The following KIAA0825 variants were observed in gnomAD, a reference collection of about 807,000 sequenced individuals.
The protein encoded by KIAA0825 is uncharacterized protein KIAA0825.
Under a neutral mutation model 147.6 loss-of-function variants are expected in KIAA0825, and 119 were observed. That is an observed-to-expected ratio of 0.81 (90% CI 0.69 to 0.94). The LOEUF (loss-of-function observed/expected upper bound fraction) is 0.94, where lower values mean the gene tolerates loss of function less well. Among genes scored for constraint, KIAA0825 ranks in the 40% least tolerant of loss-of-function variants. KIAA0825 has a pLI of 0.00. For missense variants in KIAA0825, 1,381 were observed against 1,472.7 expected, an observed-to-expected ratio of 0.94 and a Z score of 1.02; for synonymous variants, 470 against 518.1, an observed-to-expected ratio of 0.91 and a Z score of 1.26.
At chr5:94,544,051 A>G (rs1292112285) in intron 2 of KIAA0825, among the ~76,000 whole-genome samples, 1 of 152,138 alleles carries the variant, frequency 6.6e-6, no homozygotes, top group East Asian at 1.9e-4. Flanking sequence ...ACTTGCTTTC[A>G]CTTTACTCTA....
At chr5:94,249,161 A>G (rs897275798) in intron 20 of KIAA0825, among the ~76,000 whole-genome samples, 2 of 152,134 alleles carry the variant, frequency 1.3e-5, no homozygotes, top group Admixed American at 1.3e-4. Context: ...AATACACAGA[A>G]GACACCAACA....
intron 20 of KIAA0825, among the ~76,000 whole-genome samples, chr5:94,226,771 A>T (rs1191289156): frequency 2.6e-5 from 4 of 152,092 alleles, no homozygotes; most frequent in Admixed American, 2.6e-4. Flanking sequence ...GAAGACATTT[A>T]TGCAGCCAAA....
At chr5:94,321,719 TCTGAAAATGTTGGTCATGG>T (rs1780218018) in intron 20 of KIAA0825, among the ~76,000 whole-genome samples, 1 of 151,968 alleles carries the variant, frequency 6.6e-6, no homozygotes, top group Non-Finnish European at 1.5e-5. Flanking sequence ...ACCCTTTTGT[TCTGAAAATGTTGGTCATGG>T]TAAACAGTTT....
intron 20 of KIAA0825, among the ~76,000 whole-genome samples, chr5:94,255,481 A>G (rs1465489927): frequency 2.0e-5 from 3 of 151,972 alleles, no homozygotes; most frequent in African/African-American, 7.2e-5. Flanking sequence ...CACTCTGTGC[A>G]ACCCTGCACC....
intron 13 of KIAA0825, among the ~76,000 whole-genome samples, chr5:94,448,424 G>C (rs1047223124): frequency 1.3e-5 from 2 of 151,610 alleles, no homozygotes; most frequent in African/African-American, 2.4e-5. Flanking sequence ...AATTCTATTT[G>C]TGTCCTGAAT....
chr5:94,302,616 CT>C (rs1778481615), intron 20 of KIAA0825, among the ~76,000 whole-genome samples: 1 of 151,976 alleles, frequency 6.6e-6, no homozygotes, highest in African/African-American at 2.4e-5. Context: ...ATTTTTTTCT[CT>C]TTGCCTTGGA....
intron 20 of KIAA0825, among the ~76,000 whole-genome samples, chr5:94,258,596 A>G (rs1776352331): frequency 6.6e-6 from 1 of 152,168 alleles, no homozygotes; most frequent in South Asian, 2.1e-4. Context: ...AACTATAAAT[A>G]TAGAAGTAAA....
Position 94,484,947 on chromosome 5 carries a change from T to C in KIAA0825, c.971-17A>G. ...CAGTAGTAACTGTGAAAAGAAAAGA[T>C]CAATACTGTCATACATTTTATTTAC... On this transcript the variant is annotated splice_polypyrimidine_tract_variant and intron_variant, in intron 5 of 20. Coordinates refer to ENST00000682413, the MANE Select transcript of KIAA0825 (RefSeq NM_001145678.3). 2 of 1,436,126 alleles carry C rather than the reference T, an allele frequency of 1.4e-6. No individual in the cohort carries two copies. Among genetic ancestry groups the C allele is most frequent in the African/African-American group, 2.9e-5 (2 of 70,050 alleles). 89.0% of individuals were successfully genotyped at this position (1,436,126 alleles called of 1,614,324 possible).
Position 94,153,837 on chromosome 5 carries a change from A to T in KIAA0825, c.*170T>A. ...GAAATTATTTTTAAAATAAAAAAAT[A>T]TGTAGCACCTTATCCTTTATGTGCT... On this transcript the variant is annotated 3_prime_UTR_variant, in exon 21 of 21. Coordinates refer to ENST00000682413, the MANE Select transcript of KIAA0825 (RefSeq NM_001145678.3). 2 of 461,892 alleles carry T rather than the reference A, an allele frequency of 4.3e-6. No individual in the cohort carries two copies. Among genetic ancestry groups the T allele is most frequent in the Non-Finnish European group, 7.7e-6 (2 of 259,968 alleles). The allele number at this position is 461,892 out of a possible 1,614,324, so 28.6% of individuals were successfully genotyped here.
intron 20 of KIAA0825, among the ~76,000 whole-genome samples, chr5:94,327,899 A>T (rs1006013013): frequency 6.6e-6 from 1 of 152,016 alleles, no homozygotes; most frequent in Non-Finnish European, 1.5e-5. Context: ...CCAGCTACTC[A>T]GGAGGCTGAG....
In KIAA0825 at chr5:94,212,339, A is replaced by C. The variant is rs187793991; in HGVS notation, c.3711-58215T>G. ...TAATCAGATTTATGGAAAATGTTCA[A>C]TGTCAAGACTGGAAAATAGCGTCTT... is the stretch of plus-strand genomic sequence containing the variant. On this transcript the variant is annotated intron_variant, in intron 20 of 20. Coordinates refer to ENST00000682413, the MANE Select transcript of KIAA0825 (RefSeq NM_001145678.3). 8.5e-4 allele frequency among the ~76,000 whole-genome samples: 130 copies of C among 152,316 alleles called. 1 individual carries two copies. The highest frequency in any genetic ancestry group is 6.2e-3 in the Admixed American group (95 of 15,284).
chr5:94,375,042 T>C (rs35320955), intron 20 of KIAA0825, among the ~76,000 whole-genome samples: 14,845 of 150,198 alleles, frequency 0.099, 771 homozygotes, highest in Middle Eastern at 0.14. Context: ...TCTTTTTTTT[T>C]TTTTTTTTTG....
intron 19 of KIAA0825, 62 bp from the exon 20 acceptor site, chr5:94,384,520 T>G (rs1748881107): frequency 7.4e-7 from 1 of 1,350,878 alleles, no homozygotes; most frequent in Non-Finnish European, 1.0e-6. Flanking sequence ...ATATGATCAG[T>G]AAATTAAAGC....
chr5:94,391,302 G>A (rs1749860743), intron 18 of KIAA0825, among the ~76,000 whole-genome samples: 2 of 152,258 alleles, frequency 1.3e-5, no homozygotes, highest in Middle Eastern at 3.4e-3. Context: ...CTGAGTTTAT[G>A]AGCCATGTTA....
At chr5:94,538,435 G>A (rs1022707130) in intron 2 of KIAA0825, among the ~76,000 whole-genome samples, 1 of 152,214 alleles carries the variant, frequency 6.6e-6, no homozygotes, top group African/African-American at 2.4e-5. Context: ...ATGTGGTTAA[G>A]AGCTCTCTAG....
At chr5:94,266,056 AT>A (rs1289395411) in intron 20 of KIAA0825, among the ~76,000 whole-genome samples, 1 of 152,160 alleles carries the variant, frequency 6.6e-6, no homozygotes, top group Non-Finnish European at 1.5e-5. Context: ...ATGGAATACC[AT>A]TTTTTACATG....
chr5:94,270,241 G>T (rs1399422898), intron 20 of KIAA0825, among the ~76,000 whole-genome samples: 1 of 151,988 alleles, frequency 6.6e-6, no homozygotes, highest in Non-Finnish European at 1.5e-5. Flanking sequence ...TCAGCATAAA[G>T]ACAGACACAT....
chr5:94,155,213 C>CTTT (rs67704311), intron 20 of KIAA0825, among the ~76,000 whole-genome samples: 49 of 119,030 alleles, frequency 4.1e-4, no homozygotes, highest in South Asian at 1.1e-3. Flanking sequence ...TATTTTCTTT[C>CTTT]TTTTTTTTTT....
At chr5:94,155,479 C>G (rs1766958808) in intron 20 of KIAA0825, among the ~76,000 whole-genome samples, 1 of 152,036 alleles carries the variant, frequency 6.6e-6, no homozygotes, top group Non-Finnish European at 1.5e-5. Flanking sequence ...CTCAGCCTCC[C>G]AAAGTGCTGG....
Sources: allele counts gnomAD v4.1 joint callset (sites outside exome capture counted in the v4.1 genomes callset), GRCh38; gene constraint gnomAD v4.1.1; transcripts MANE v1.5; gene names NCBI Gene and HGNC (gene_info 2026-07-23, HGNC 2026-07-21).